PTPRN2: variants seen among roughly 807,000 people sequenced by gnomAD.
PTPRN2 encodes the protein protein tyrosine phosphatase receptor type N2.
A neutral mutation model predicts 118.8 loss-of-function variants in PTPRN2; 74 were observed. The observed-to-expected ratio is 0.62, with a 90% CI of 0.52 to 0.76. The LOEUF (loss-of-function observed/expected upper bound fraction) is 0.76, where lower values mean the gene tolerates loss of function less well. Among genes scored for constraint, PTPRN2 ranks in the 30% least tolerant of loss-of-function variants. The pLI, the probability that PTPRN2 is intolerant of heterozygous loss-of-function variation, is 0.00. For synonymous variants in PTPRN2, 641 were observed against 608.0 expected (o/e 1.05, Z -0.80); for missense variants, 1,481 against 1,394.4 (o/e 1.06, Z -0.99).
chr7:157,552,244 C>T (rs1179994665), intron 21 of PTPRN2, among the ~76,000 whole-genome samples: 2 of 152,168 alleles, frequency 1.3e-5, no homozygotes, highest in African/African-American at 2.4e-5. Flanking sequence ...TTAATTACCA[C>T]GTGTAAAAAA....
chr7:158,127,721 T>C (rs1476598380), intron 9 of PTPRN2, among the ~76,000 whole-genome samples: 1 of 152,152 alleles, frequency 6.6e-6, no homozygotes, highest in African/African-American at 2.4e-5. Context: ...GTGTGAGCCG[T>C]GGTCTCTGAA....
intron 10 of PTPRN2, among the ~76,000 whole-genome samples, chr7:158,107,675 C>G (rs1454967333): frequency 6.6e-6 from 1 of 152,184 alleles, no homozygotes; most frequent in African/African-American, 2.4e-5. Flanking sequence ...TTGAAGCTGC[C>G]TTTCTACAAT....
Position 158,251,555 on chromosome 7 carries a change from G to A in PTPRN2, c.278-46282C>T, listed in dbSNP as rs568576126. 2.7e-4 allele frequency among the ~76,000 whole-genome samples: 40 copies of A among 147,418 alleles called. No individual in the cohort carries two copies. In the East Asian group the frequency reaches 6.9e-3, roughly 25 times the overall value. ...GGGGGGTGTGCAATGGATGTCTATGGTGCCTGTGGGGTGTGTGCAGGTGTG... is the reference window on the plus strand; with the variant it reads ...GGGGGGTGTGCAATGGATGTCTATGATGCCTGTGGGGTGTGTGCAGGTGTG... On this transcript the variant is annotated intron_variant, in intron 3 of 22. Coordinates refer to ENST00000389418, the MANE Select transcript of PTPRN2 (RefSeq NM_002847.5).
chr7:158,115,469 T>C (rs972383358), intron 9 of PTPRN2, among the ~76,000 whole-genome samples: 3 of 152,136 alleles, frequency 2.0e-5, no homozygotes, highest in African/African-American at 7.2e-5. Context: ...GAACTAATTG[T>C]GACCCCTAAA....
In PTPRN2 at chr7:158,526,932, A is replaced by C. The variant is rs977108379; in HGVS notation, c.113-37147T>G. ...GAGACTGAGCCAATTCATACAGTGG[A>C]TTCCGCCACTTTCTTTCTAACACAA... is the stretch of plus-strand genomic sequence containing the variant. On this transcript the variant is annotated intron_variant, in intron 1 of 22. Transcript: ENST00000389418. This position sits in a 1 kb window ranked among gnomAD's most constrained non-coding sequence, Gnocchi z 5.2. Among the ~76,000 whole-genome samples the C allele has an allele frequency of 6.6e-6, 1 of 152,114 alleles. No homozygotes were observed. The highest frequency in any genetic ancestry group is 1.5e-5 in the Non-Finnish European group (1 of 68,030).
chr7:158,550,786 G>A (rs1208063741), intron 1 of PTPRN2, among the ~76,000 whole-genome samples: 6 of 152,124 alleles, frequency 3.9e-5, no homozygotes, highest in Non-Finnish European at 5.9e-5. Context: ...TAATTACCTC[G>A]TCTTTAAGTG....
chr7:158,026,661 G>C (rs1055788958), intron 11 of PTPRN2, among the ~76,000 whole-genome samples: 1 of 152,108 alleles, frequency 6.6e-6, no homozygotes, highest in Admixed American at 6.5e-5. Context: ...CAGTGGGCCT[G>C]GCTGTGGGGA....
intron 12 of PTPRN2, among the ~76,000 whole-genome samples, chr7:157,735,060 A>G (rs1800219564): frequency 6.6e-6 from 1 of 152,234 alleles, no homozygotes; most frequent in African/African-American, 2.4e-5. Context: ...GCTGGCACCG[A>G]GAGCACCTGG....
chr7:157,557,552 C>CACACACA, intron 21 of PTPRN2, among the ~76,000 whole-genome samples: 2 of 149,728 alleles, frequency 1.3e-5, no homozygotes, highest in South Asian at 2.1e-4. Flanking sequence ...ACACACACTC[C>CACACACA]CACACACACA....
intron 11 of PTPRN2, among the ~76,000 whole-genome samples, chr7:158,070,706 G>A (rs1379030399): frequency 2.0e-5 from 2 of 99,222 alleles, no homozygotes; most frequent in African/African-American, 8.5e-5. Context: ...GCCCCTGGTG[G>A]CGGAGGTGCC....
At chr7:158,075,902 G>A (rs1001823030) in intron 11 of PTPRN2, among the ~76,000 whole-genome samples, 11 of 152,330 alleles carry the variant, frequency 7.2e-5, no homozygotes, top group South Asian at 2.1e-4. Context: ...GTGACACAGC[G>A]GCCCACGTGC....
chr7:158,484,822 C>T (rs1157585775), intron 2 of PTPRN2, among the ~76,000 whole-genome samples: 1 of 152,204 alleles, frequency 6.6e-6, no homozygotes, highest in Non-Finnish European at 1.5e-5. Flanking sequence ...CAGACGTCCT[C>T]GGTTCCTGGT....
intron 1 of PTPRN2, among the ~76,000 whole-genome samples, chr7:158,502,594 T>C (rs1822447519): frequency 6.6e-6 from 1 of 152,250 alleles, no homozygotes; most frequent in Non-Finnish European, 1.5e-5. Flanking sequence ...CGGAAAAGGC[T>C]GTGTCAAGTG....
chr7:158,281,954 A>C (rs1799456503), intron 3 of PTPRN2, among the ~76,000 whole-genome samples: 1 of 152,222 alleles, frequency 6.6e-6, no homozygotes, highest in South Asian at 2.1e-4. Flanking sequence ...AGAGGCTCCC[A>C]GCTCAAAGCC....
At chr7:158,372,520 C>T (rs9690061) in intron 2 of PTPRN2, among the ~76,000 whole-genome samples, 97,001 of 143,426 alleles carry the variant, frequency 0.68, 32,672 homozygotes, top group South Asian at 0.73. Context: ...GTACCCGGAG[C>T]TGGTCCCCCC....
intron 14 of PTPRN2, among the ~76,000 whole-genome samples, chr7:157,649,948 A>T (rs1260573494): frequency 6.9e-6 from 1 of 144,940 alleles, no homozygotes; most frequent in Non-Finnish European, 1.5e-5. Context: ...TGTGCACTGA[A>T]CTCGGTGGGT....
intron 12 of PTPRN2, among the ~76,000 whole-genome samples, chr7:157,800,182 C>T (rs989961345): frequency 4.2e-4 from 63 of 151,564 alleles, no homozygotes; most frequent in African/African-American, 1.5e-3. Flanking sequence ...AGATGCCCTC[C>T]TCCATCCCTC....
rs1797594513 is a variant in PTPRN2 at position 157,903,630 on chromosome 7, T to C, written c.1724-4893A>G. ...TGAAGCAAACAACCTGAATTAGTGT[T>C]TGGTTTTTTCTTTTTCCTTTTTTTT... On this transcript the variant is annotated intron_variant, in intron 11 of 22. Coordinates refer to ENST00000389418, the MANE Select transcript of PTPRN2 (RefSeq NM_002847.5). The surrounding 1 kb of genome is among the most constrained non-coding windows in gnomAD (Gnocchi z 4.2). Among the ~76,000 whole-genome samples the C allele has an allele frequency of 6.8e-6, 1 of 148,014 alleles. No homozygotes were observed. The highest frequency in any genetic ancestry group is 1.5e-5 in the Non-Finnish European group (1 of 67,138).
At chr7:158,180,187 T>C (rs1004610451) in intron 5 of PTPRN2, among the ~76,000 whole-genome samples, 5 of 152,282 alleles carry the variant, frequency 3.3e-5, no homozygotes, top group Admixed American at 2.6e-4. Context: ...TTCATTCTTC[T>C]ACATGTGGCT....
Sources: allele counts gnomAD v4.1 joint callset (sites outside exome capture counted in the v4.1 genomes callset), GRCh38; gene constraint gnomAD v4.1.1; non-coding constraint Gnocchi (gnomAD v3.1); transcripts MANE v1.5; gene names NCBI Gene and HGNC (gene_info 2026-07-23, HGNC 2026-07-21).